Variants in DNAL4 observed in about 807,000 individuals in gnomAD.
The protein encoded by DNAL4 is dynein axonemal light chain 4, also known as dynein light chain, outer arm 4.
In DNAL4, 10 loss-of-function variants were observed where a neutral mutation model predicts 12.6. The observed-to-expected ratio is 0.79, with a 90% CI of 0.49 to 1.34. DNAL4 has a LOEUF of 1.34. Ranked by LOEUF, DNAL4 falls within the 40% of genes most tolerant of loss-of-function variation. The pLI, the probability that DNAL4 is intolerant of heterozygous loss-of-function variation, is 0.00. For synonymous variants in DNAL4, 46 were observed against 53.1 expected (o/e 0.87, Z 0.58); for missense variants, 128 against 138.1 (o/e 0.93, Z 0.37).
Position 38,779,848 on chromosome 22 carries a change from G to A in DNAL4, c.154-235C>T, listed in dbSNP as rs570198182. On this transcript the variant is annotated intron_variant, in intron 3 of 3. Transcript: ENST00000216068. The surrounding 1 kb of genome is among the most constrained non-coding windows in gnomAD (Gnocchi z 4.3). ...CTCAGCAGTCAAGAAGAAACTGGCTGAGGCGGGAAGGCAAGCATCAGGTCT... is the reference window on the plus strand; with the variant it reads ...CTCAGCAGTCAAGAAGAAACTGGCTAAGGCGGGAAGGCAAGCATCAGGTCT... 6.6e-6 allele frequency among the ~76,000 whole-genome samples: 1 copy of A among 152,322 alleles called. No homozygotes were observed. Among genetic ancestry groups the A allele is most frequent in the East Asian group, 1.9e-4 (1 of 5,180 alleles).
intron 2 of DNAL4, among the ~76,000 whole-genome samples, chr22:38,781,822 T>C (rs2093034817): frequency 6.6e-6 from 1 of 152,134 alleles, no homozygotes; most frequent in Non-Finnish European, 1.5e-5. Context: ...CGGAACACCC[T>C]AAACCCGACC....
intron 1 of DNAL4, among the ~76,000 whole-genome samples, chr22:38,784,487 C>T (rs2093039164): frequency 6.6e-6 from 1 of 152,068 alleles, no homozygotes; most frequent in African/African-American, 2.4e-5. Flanking sequence ...TTTGCTCTTC[C>T]CCTTTGCTGT....
intron 3 of DNAL4, among the ~76,000 whole-genome samples, chr22:38,780,285 G>C (rs2093032304): frequency 6.6e-6 from 1 of 152,208 alleles, no homozygotes; most frequent in African/African-American, 2.4e-5. Context: ...AACTGGCCCA[G>C]TGAGGAGGCA....
intron 1 of DNAL4, among the ~76,000 whole-genome samples, chr22:38,790,366 C>A (rs571251931): frequency 6.6e-6 from 1 of 152,280 alleles, no homozygotes; most frequent in African/African-American, 2.4e-5. Context: ...GTGAGCTCTG[C>A]ATGCAGCAGA....
chr22:38,785,210 T>C (rs967051189), intron 1 of DNAL4: 7 of 152,214 alleles, frequency 4.6e-5, no homozygotes, highest in African/African-American at 1.7e-4. Context: ...TGAAGGCGTA[T>C]TTCCAATTCC....
chr22:38,785,448 G>A (rs1468061781), intron 1 of DNAL4: 1 of 152,238 alleles, frequency 6.6e-6, no homozygotes, highest in East Asian at 1.9e-4. Context: ...GCATGTAGGA[G>A]CCAGGAGGGA....
chr22:38,780,809 G>T (rs2146163124), intron 3 of DNAL4, 117 bp downstream of exon 3: 1 of 981,902 alleles, frequency 1.0e-6, no homozygotes, highest in Non-Finnish European at 1.5e-6. Flanking sequence ...TTCCAAGGAA[G>T]GCTCTGGCCT....
intron 1 of DNAL4, among the ~76,000 whole-genome samples, chr22:38,792,753 T>C (rs757633700): frequency 2.1e-4 from 32 of 152,220 alleles, no homozygotes; most frequent in Admixed American, 8.5e-4. Context: ...TGTCATCTCC[T>C]ATGATAACAA....
intron 1 of DNAL4, among the ~76,000 whole-genome samples, chr22:38,793,339 T>A (rs182499692): frequency 1.8e-4 from 28 of 152,310 alleles, no homozygotes; most frequent in Non-Finnish European, 3.2e-4. Flanking sequence ...GAATCTATAC[T>A]GGACTGGACT....
chr22:38,793,212 G>T (rs2093053688), intron 1 of DNAL4, among the ~76,000 whole-genome samples: 1 of 152,188 alleles, frequency 6.6e-6, no homozygotes. Flanking sequence ...GGAAGCCCAG[G>T]AGGAAGATCA....
chr22:38,779,304 G>A lies in DNAL4; in HGVS notation c.*145C>T. The stretch of plus-strand genomic sequence containing the variant: ...TGGAGATGTCAAGTTCACACACTGG[G>A]CGTGGCTCAGGAAACTGGTACACAA... On this transcript the variant is annotated 3_prime_UTR_variant, in exon 4 of 4. Coordinates refer to ENST00000216068, the MANE Select transcript of DNAL4 (RefSeq NM_005740.3). The surrounding 1 kb of genome is among the most constrained non-coding windows in gnomAD (Gnocchi z 4.3). The A allele has an allele frequency of 9.3e-7, 1 of 1,072,192 alleles. No homozygotes were observed. The highest frequency in any genetic ancestry group is 2.6e-5 in the East Asian group (1 of 38,054). The allele number at this position is 1,072,192 out of a possible 1,614,324, so 66.4% of individuals were successfully genotyped here.
In DNAL4 at chr22:38,779,401, T is replaced by C. The variant is rs2146161810; in HGVS notation, c.*48A>G. The stretch of plus-strand genomic sequence containing the variant: ...GCCTAGGGCTGCTCCCCACCCCAGA[T>C]GAGTGGCAGGAAAAGGCCCTGCAGG... On this transcript the variant is annotated 3_prime_UTR_variant, in exon 4 of 4. Coordinates refer to ENST00000216068, the MANE Select transcript of DNAL4 (RefSeq NM_005740.3). This position sits in a 1 kb window ranked among gnomAD's most constrained non-coding sequence, Gnocchi z 4.3. 2 of 1,535,446 alleles carry C rather than the reference T, an allele frequency of 1.3e-6. No individual in the cohort carries two copies. The highest frequency in any genetic ancestry group is 1.8e-6 in the Non-Finnish European group (2 of 1,136,964).
chr22:38,787,878 C>CAGAGAGGTTTTATGGGTGGCCTGGAGA (rs1569318699), intron 1 of DNAL4, among the ~76,000 whole-genome samples: 5 of 152,054 alleles, frequency 3.3e-5, no homozygotes, highest in African/African-American at 4.8e-5. Flanking sequence ...GTCACTGGAG[C>CAGAGAGGTTTTATGGGTGGCCTGGAGA]TCAGAGAGGT....
intron 1 of DNAL4, among the ~76,000 whole-genome samples, chr22:38,784,555 G>T (rs898257148): frequency 2.7e-5 from 4 of 149,402 alleles, no homozygotes; most frequent in African/African-American, 5.0e-5. Context: ...CTGTCGCCCA[G>T]GCTGGAGTGC....
intron 1 of DNAL4, chr22:38,785,888 C>CT (rs2146167034): frequency 6.6e-6 from 1 of 152,356 alleles, no homozygotes; most frequent in Admixed American, 6.5e-5. Flanking sequence ...ACAGTGCTCT[C>CT]TGCTACCAGC....
chr22:38,793,348 C>G (rs2093053892), intron 1 of DNAL4, among the ~76,000 whole-genome samples: 1 of 152,202 alleles, frequency 6.6e-6, no homozygotes, highest in Non-Finnish European at 1.5e-5. Flanking sequence ...CTGGACTGGA[C>G]TCTGTACTTC....
intron 2 of DNAL4, among the ~76,000 whole-genome samples, chr22:38,781,361 G>A (rs1472564596): frequency 6.6e-6 from 1 of 152,232 alleles, no homozygotes; most frequent in Middle Eastern, 3.2e-3. Context: ...GCCGCTGGGC[G>A]CTCTCTGGGG....
At chr22:38,792,757 A>C (rs1366239944) in intron 1 of DNAL4, among the ~76,000 whole-genome samples, 1 of 152,202 alleles carries the variant, frequency 6.6e-6, no homozygotes, top group East Asian at 1.9e-4. Context: ...ATCTCCTATG[A>C]TAACAAAGCC....
intron 1 of DNAL4, among the ~76,000 whole-genome samples, chr22:38,792,511 G>C (rs1244201105): frequency 6.6e-6 from 1 of 152,166 alleles, no homozygotes; most frequent in African/African-American, 2.4e-5. Context: ...TCAAACTCTT[G>C]ACCTCAGGTG....
Sources: gnomAD v4.1 joint callset for allele counts (sites outside exome capture counted in the v4.1 genomes callset) on GRCh38, gnomAD v4.1.1 for gene constraint, Gnocchi (gnomAD v3.1) non-coding constraint, MANE v1.5 for transcripts, NCBI Gene and HGNC (gene_info 2026-07-23, HGNC 2026-07-21) for gene names.